Variants in ASCL3 observed in about 807,000 individuals in gnomAD.
The protein encoded by ASCL3 is achaete-scute family bHLH transcription factor 3, also known as achaete-scute homolog 3.
In ASCL3, 1 loss-of-function variant was observed where a neutral mutation model predicts 2.3. The observed-to-expected ratio is 0.44, with a 90% CI of 0.16 to 2.10. The LOEUF (loss-of-function observed/expected upper bound fraction) is 2.10, where lower values mean the gene tolerates loss of function less well. ASCL3 is among the 30% of genes most tolerant of loss of function. The probability of loss-of-function intolerance (pLI) is 0.28; values close to 1 mark genes in which losing one functional copy is unlikely to be tolerated. For missense variants in ASCL3, 243 were observed against 229.0 expected (o/e 1.06, Z -0.40); for synonymous variants, 98 against 88.5 (o/e 1.11, Z -0.60).
rs1174592279 is a variant in ASCL3, at chr11:8,940,228, A to C, written c.-12-2055T>G. Among the ~76,000 whole-genome samples the C allele has an allele frequency of 1.3e-5, 2 of 151,362 alleles. 1 individual carries two copies. The highest frequency in any genetic ancestry group is 2.9e-5 in the Non-Finnish European group (2 of 67,926). On this transcript the variant is annotated intron_variant, in intron 1 of 1. Transcript: ENST00000531618. ...TAGCTTCAAAAGATCTTCCCACAGC[A>C]CTGGGATTACAGGCATGAGCCACTT...
intron 1 of ASCL3, among the ~76,000 whole-genome samples, chr11:8,942,446 A>T (rs1295160691): frequency 2.0e-5 from 3 of 152,136 alleles, no homozygotes; most frequent in Admixed American, 6.5e-5. Context: ...CTGGGGCTCC[A>T]TGGTTCCAGA....
Position 8,937,598 on chromosome 11 carries a change from CT to C in ASCL3, c.*17del. On this transcript the variant is annotated 3_prime_UTR_variant, in exon 2 of 2. Transcript: ENST00000531618. Reference sequence around the variant, plus strand: ...CCCCATTTTGTGATATTATTCATTTCTATTTGGAAACAGCAACTCAAACAAT... The same window carrying C: ...CCCCATTTTGTGATATTATTCATTTCATTTGGAAACAGCAACTCAAACAAT... 1.9e-6 allele frequency: 3 copies of C among 1,590,806 alleles called. No individual in the cohort carries two copies. Among genetic ancestry groups the C allele is most frequent in the Non-Finnish European group, 2.6e-6 (3 of 1,166,968 alleles).
In ASCL3 at chr11:8,941,166, A is replaced by G. The variant is rs183265269; in HGVS notation, c.-13+1820T>C. 5.3e-5 allele frequency among the ~76,000 whole-genome samples: 8 copies of G among 152,212 alleles called. No individual in the cohort carries two copies. In the East Asian group the frequency reaches 1.5e-3, roughly 29 times the overall value. ...CAGCACTGATCTATCCTAAACACACATGTTGAGAGATGAGGAACATACCTA... is the reference window on the plus strand; with the variant it reads ...CAGCACTGATCTATCCTAAACACACGTGTTGAGAGATGAGGAACATACCTA... On this transcript the variant is annotated intron_variant, in intron 1 of 1. Transcript: ENST00000531618.
Position 8,938,189 on chromosome 11 carries a change from A to C in ASCL3, c.-12-16T>G, listed in dbSNP as rs535748336. Reference sequence around the variant, plus strand: ...CCTCTTTAACCTGCAAACATAACCAAGTTTAACAATGTGGTCAGATAGAGA... The same window carrying C: ...CCTCTTTAACCTGCAAACATAACCACGTTTAACAATGTGGTCAGATAGAGA... On this transcript the variant is annotated splice_polypyrimidine_tract_variant and intron_variant, in intron 1 of 1. Transcript: ENST00000531618. 6.5e-7 allele frequency: 1 copy of C among 1,546,042 alleles called. No individual in the cohort carries two copies. Among genetic ancestry groups the C allele is most frequent in the South Asian group, 1.2e-5 (1 of 80,970 alleles).
chr11:8,942,335 C>T (rs973772719), intron 1 of ASCL3, among the ~76,000 whole-genome samples: 1 of 152,016 alleles, frequency 6.6e-6, no homozygotes, highest in African/African-American at 2.4e-5. Flanking sequence ...AAATAAAATG[C>T]AGCAACAAGG....
At chr11:8,941,240 A>G (rs1853689769) in intron 1 of ASCL3, among the ~76,000 whole-genome samples, 1 of 152,088 alleles carries the variant, frequency 6.6e-6, no homozygotes, top group South Asian at 2.1e-4. Context: ...GCCTCCATCA[A>G]AGAAGGAAAT....
Position 8,937,701 on chromosome 11 carries a change from G to C in ASCL3, c.461C>G (p.Ala154Gly), listed in dbSNP as rs561616589. ...YLQSLLYPDK[A>G]ETKNNPGKVS... is the part of the protein sequence containing the mutation. The stretch of plus-strand genomic sequence containing the variant: ...TTTTCCAGGGTTATTCTTGGTCTCA[G>C]CTTTATCAGGGTACAGAAGAGACTG... Residue 154 changes from alanine (A) to glycine (G), a missense_variant, in exon 2 of 2, where the codon GCT (alanine) becomes GGT (glycine). Coordinates refer to ENST00000531618, the MANE Select transcript of ASCL3 (RefSeq NM_020646.3). The C allele has an allele frequency of 2.7e-5, 44 of 1,614,120 alleles. No individual in the cohort carries two copies. In the South Asian group the frequency reaches 4.6e-4, roughly 17 times the overall value.
intron 1 of ASCL3, 165 bp from the exon 2 acceptor site, chr11:8,938,338 C>G: frequency 1.8e-6 from 1 of 564,664 alleles, no homozygotes; most frequent in South Asian, 2.6e-5. Flanking sequence ...CAACTTCTGC[C>G]TCCTGGGTTC....
rs140874634 is a variant in ASCL3, at chr11:8,938,997, G to A, written c.-12-824C>T. 9.7e-3 allele frequency among the ~76,000 whole-genome samples: 1,466 copies of A among 151,666 alleles called. 20 individuals carry two copies. Among genetic ancestry groups the A allele is most frequent in the African/African-American group, 0.028 (1,154 of 41,342 alleles). On this transcript the variant is annotated intron_variant, in intron 1 of 1. Coordinates refer to ENST00000531618, the MANE Select transcript of ASCL3 (RefSeq NM_020646.3). Reference sequence around the variant, plus strand: ...TTTTGTATGTTTTTGTAGAGACAGGGTCTTGCCATGTTGCCCAGGCTGGTC... The same window carrying A: ...TTTTGTATGTTTTTGTAGAGACAGGATCTTGCCATGTTGCCCAGGCTGGTC...
In ASCL3 at chr11:8,937,908, C is replaced by T. The variant is rs1325634062; in HGVS notation, c.254G>A (p.Gly85Glu). 1 of 1,614,086 alleles carries T rather than the reference C, an allele frequency of 6.2e-7. No individual in the cohort carries two copies. Among genetic ancestry groups the T allele is most frequent in the Non-Finnish European group, 8.5e-7 (1 of 1,180,008 alleles). Residue 85 changes from glycine (G) to glutamate (E), a missense_variant, in exon 2 of 2, where the codon GGG (glycine) becomes GAG (glutamate). Physicochemically the swap from Gly to Glu is moderately conservative, Grantham distance 98. Transcript: ENST00000531618. ...GGCTGGCCCGTAGGAGTACTCGCAC[C>T]CTCTGTAATTTGGATAAGGCATCGG... is the stretch of plus-strand genomic sequence containing the variant. Reference protein sequence around the residue: ...SFPMPYPNYRGCEYSYGPAFT... With the variant: ...SFPMPYPNYRECEYSYGPAFT...
At chr11:8,938,549 G>A (rs2742504) in intron 1 of ASCL3, among the ~76,000 whole-genome samples, 42,547 of 151,658 alleles carry the variant, frequency 0.28, 6,938 homozygotes, top group South Asian at 0.44. Context: ...ACGCCCGGCC[G>A]GAGATCAATG....
intron 1 of ASCL3, 50 bp from the exon 2 acceptor site, chr11:8,938,223 G>T (rs534423597): frequency 1.4e-6 from 2 of 1,389,252 alleles, no homozygotes; most frequent in East Asian, 2.3e-5. Flanking sequence ...GAGCAGATAT[G>T]ATCTACTTTC....
intron 1 of ASCL3, among the ~76,000 whole-genome samples, chr11:8,940,341 C>T (rs2134850010): frequency 6.6e-6 from 1 of 152,220 alleles, no homozygotes; most frequent in East Asian, 1.9e-4. Flanking sequence ...CCAAGAGGTT[C>T]CACACCAACG....
intron 1 of ASCL3, among the ~76,000 whole-genome samples, chr11:8,942,704 C>A (rs1423109842): frequency 6.6e-6 from 1 of 152,154 alleles, no homozygotes; most frequent in African/African-American, 2.4e-5. Context: ...AAAACTTCCT[C>A]ATAGGTTGTG....
Position 8,937,685 on chromosome 11 carries a change from G to T in ASCL3, c.477C>A (p.Asn159Lys). 6.2e-7 allele frequency: 1 copy of T among 1,614,100 alleles called. No individual in the cohort carries two copies. The highest frequency in any genetic ancestry group is 8.5e-7 in the Non-Finnish European group (1 of 1,179,984). ...LYPDKAETKN[N>K]PGKVSSMIAT... is the part of the protein sequence containing the mutation. Reference sequence around the variant, plus strand: ...CTATCATGGAGGAAACTTTTCCAGGGTTATTCTTGGTCTCAGCTTTATCAG... The same window carrying T: ...CTATCATGGAGGAAACTTTTCCAGGTTTATTCTTGGTCTCAGCTTTATCAG... Residue 159 changes from asparagine to lysine, a missense_variant, in exon 2 of 2, where the codon AAC (asparagine) becomes AAA (lysine). Physicochemically the swap from Asn to Lys is moderately conservative, Grantham distance 94. Coordinates refer to ENST00000531618, the MANE Select transcript of ASCL3 (RefSeq NM_020646.3).
At chr11:8,942,433 G>T (rs1366867515) in intron 1 of ASCL3, among the ~76,000 whole-genome samples, 1 of 152,156 alleles carries the variant, frequency 6.6e-6, no homozygotes, top group African/African-American at 2.4e-5. Context: ...CAGATTGGTA[G>T]TGCTGGGGCT....
At position 8,938,165 on chromosome 11, in the gene ASCL3, C is replaced by T; in HGVS notation, c.-4G>A. 1 of 1,580,242 alleles carries T rather than the reference C, an allele frequency of 6.3e-7. No homozygotes were observed. Among genetic ancestry groups the T allele is most frequent in the Non-Finnish European group, 8.6e-7 (1 of 1,161,850 alleles). On this transcript the variant is annotated 5_prime_UTR_variant, in exon 2 of 2. Coordinates refer to ENST00000531618, the MANE Select transcript of ASCL3 (RefSeq NM_020646.3). Reference sequence around the variant, plus strand: ...AGTTGCCTCTGTTGTCCATCATTTCCTCTTTAACCTGCAAACATAACCAAG... The same window carrying T: ...AGTTGCCTCTGTTGTCCATCATTTCTTCTTTAACCTGCAAACATAACCAAG...
At chr11:8,941,001 A>G (rs1326552595) in intron 1 of ASCL3, among the ~76,000 whole-genome samples, 1 of 152,148 alleles carries the variant, frequency 6.6e-6, no homozygotes, top group East Asian at 1.9e-4. Flanking sequence ...CCAGGTACAG[A>G]GGAGTGACCG....
At chr11:8,940,796 A>G (rs1434514867) in intron 1 of ASCL3, among the ~76,000 whole-genome samples, 1 of 152,200 alleles carries the variant, frequency 6.6e-6, no homozygotes. Context: ...TCTTGGCATT[A>G]TCCTCTAAAC....
Sources: gnomAD v4.1 joint callset for allele counts (sites outside exome capture counted in the v4.1 genomes callset) on GRCh38, gnomAD v4.1.1 for gene constraint, MANE v1.5 for transcripts, NCBI Gene and HGNC (gene_info 2026-07-23, HGNC 2026-07-21) for gene names.